The following WWOX variants were observed in gnomAD, a reference collection of about 807,000 sequenced individuals.
WWOX encodes the protein WW domain containing oxidoreductase, also known as WW domain-containing oxidoreductase.
Under a neutral mutation model 46.2 loss-of-function variants are expected in WWOX, and 69 were observed. The ratio of observed to expected loss-of-function variants is 1.49; its 90% CI spans 1.23 to 1.82. WWOX has a LOEUF of 1.82. Among genes scored for constraint, WWOX ranks in the 40% most tolerant of loss-of-function variants. The pLI is 0.00. For missense variants in WWOX, 919 were observed against 542.6 expected, an observed-to-expected ratio of 1.69 and a Z score of -6.89; for synonymous variants, 359 against 202.6, an observed-to-expected ratio of 1.77 and a Z score of -6.56.
chr16:79,045,607 A>G (rs915854173), intron 8 of WWOX, among the ~76,000 whole-genome samples: 1 of 152,080 alleles, frequency 6.6e-6, no homozygotes, highest in Non-Finnish European at 1.5e-5. Context: ...CACATCAGCT[A>G]TCAATGAAAA....
At chr16:78,389,717 G>A (rs1842348659) in intron 6 of WWOX, among the ~76,000 whole-genome samples, 1 of 152,070 alleles carries the variant, frequency 6.6e-6, no homozygotes, top group South Asian at 2.1e-4. Context: ...GCTCCAACTT[G>A]ACCACCGTAC....
chr16:79,169,474 A>G (rs2050659016), intron 8 of WWOX, among the ~76,000 whole-genome samples: 1 of 152,106 alleles, frequency 6.6e-6, no homozygotes, highest in Admixed American at 6.5e-5. Flanking sequence ...GAATTCTTAA[A>G]AGCTGGGCCT....
intron 5 of WWOX, among the ~76,000 whole-genome samples, chr16:78,378,398 A>G (rs2081879263): frequency 6.6e-6 from 1 of 152,160 alleles, no homozygotes. Context: ...AGGTTTGACT[A>G]AGAGAGAAAA....
At position 78,120,903 on chromosome 16, in the gene WWOX, C is replaced by G. The variant is rs552830223; in HGVS notation, c.409+5749C>G. ...TTATGGACTACGCCAGCTTCCTTTA[C>G]ACCTTTGCTTCTTTGTTTTCTTTTC... On this transcript the variant is annotated intron_variant, in intron 4 of 8. Transcript: ENST00000566780. Among the ~76,000 whole-genome samples the G allele has an allele frequency of 2.2e-3, 336 of 152,270 alleles. 3 individuals carry two copies. Among genetic ancestry groups the G allele is most frequent in the African/African-American group, 7.5e-3 (313 of 41,558 alleles).
chr16:78,379,260 T>TAG (rs2081899302), intron 5 of WWOX, among the ~76,000 whole-genome samples: 1 of 152,066 alleles, frequency 6.6e-6, no homozygotes, highest in Admixed American at 6.5e-5. Context: ...AAGGGAGGGG[T>TAG]AGATACACTG....
chr16:78,799,214 G>A (rs538812439), intron 8 of WWOX, among the ~76,000 whole-genome samples: 6 of 152,300 alleles, frequency 3.9e-5, no homozygotes, highest in African/African-American at 1.2e-4. Flanking sequence ...GGGACACGGT[G>A]CAGAAAAGTT....
chr16:78,163,646 C>T (rs186405528), intron 4 of WWOX, among the ~76,000 whole-genome samples: 21 of 152,254 alleles, frequency 1.4e-4, no homozygotes, highest in Admixed American at 1.4e-3. Flanking sequence ...TGTGTATGCA[C>T]GTGTGTTATT....
chr16:78,757,064 G>A (rs1263040982), intron 8 of WWOX: 1 of 702,092 alleles, frequency 1.4e-6, no homozygotes, highest in African/African-American at 1.7e-5. Context: ...GTTAAGCCTT[G>A]AGGTGATTGC....
At chr16:78,317,523 C>T (rs564688988) in intron 5 of WWOX, among the ~76,000 whole-genome samples, 2 of 152,260 alleles carry the variant, frequency 1.3e-5, no homozygotes, top group African/African-American at 4.8e-5. Context: ...GGACAAGCAT[C>T]GGGTTGGATA....
At chr16:79,191,240 G>A (rs1597461140) in intron 8 of WWOX, among the ~76,000 whole-genome samples, 1 of 151,562 alleles carries the variant, frequency 6.6e-6, no homozygotes, top group Non-Finnish European at 1.5e-5. Flanking sequence ...TATTTTAGCA[G>A]AGACAGGGTT....
intron 8 of WWOX, chr16:78,873,344 C>A (rs563816618): frequency 1.3e-5 from 2 of 152,194 alleles, no homozygotes; most frequent in Non-Finnish European, 2.9e-5. Flanking sequence ...GAGATCTGGT[C>A]ATCACCCTTC....
At chr16:78,282,022 T>C (rs371262627) in intron 5 of WWOX, among the ~76,000 whole-genome samples, 1 of 152,214 alleles carries the variant, frequency 6.6e-6, no homozygotes, top group African/African-American at 2.4e-5. Flanking sequence ...TTTTCCCCAC[T>C]ACCCTTGGCC....
rs1263877025 is a variant in WWOX at position 78,422,684 on chromosome 16, T to TATATATATATAC, written c.606-2185_606-2184insTATATATATACA. Reference sequence around the variant, plus strand: ...ACATGTATATATATATATATATATATACACACACACACACACATATATATA... The same window carrying TATATATATATAC: ...ACATGTATATATATATATATATATATATATATATATACACACACACACACACACATATATATA... On this transcript the variant is annotated intron_variant, in intron 6 of 8. Transcript: ENST00000566780. Among the ~76,000 whole-genome samples, 45 of 52,936 alleles carry TATATATATATAC rather than the reference T, an allele frequency of 8.5e-4. 2 individuals are homozygous for TATATATATATAC. The highest frequency in any genetic ancestry group is 8.6e-3 in the Middle Eastern group (1 of 116). The allele number at this position is 52,936 out of a possible 152,430, so 34.7% of individuals were successfully genotyped here. A position where few individuals can be genotyped will look rare whatever the true frequency, so the allele number is the denominator to read the frequency against.
intron 8 of WWOX, among the ~76,000 whole-genome samples, chr16:78,515,437 T>A (rs983410959): frequency 1.3e-5 from 2 of 152,162 alleles, no homozygotes; most frequent in African/African-American, 2.4e-5. Flanking sequence ...AGAGGCACAC[T>A]GAGATGAGAC....
intron 8 of WWOX, among the ~76,000 whole-genome samples, chr16:78,814,158 G>A (rs971701465): frequency 1.3e-5 from 2 of 152,168 alleles, no homozygotes; most frequent in East Asian, 1.9e-4. Flanking sequence ...TCCCGCTGCC[G>A]GCAAGCGGAG....
rs542454934 is a variant in WWOX, at chr16:79,182,452, A to G, written c.1057-29156A>G. On this transcript the variant is annotated intron_variant, in intron 8 of 8. Coordinates refer to ENST00000566780, the MANE Select transcript of WWOX (RefSeq NM_016373.4). ...ATCTAAATATGTGCCATCTTTGTTT[A>G]TGGGCTTTTGGTGTAAGAACTCTCT... Among the ~76,000 whole-genome samples, 6 of 152,076 alleles carry G rather than the reference A, an allele frequency of 3.9e-5. No homozygotes were observed. The South Asian group carries it at 1.0e-3, about 26-fold the overall frequency.
chr16:78,251,083 G>A (rs1345684329), intron 5 of WWOX, among the ~76,000 whole-genome samples: 1 of 152,160 alleles, frequency 6.6e-6, no homozygotes, highest in Admixed American at 6.5e-5. Flanking sequence ...ACCGCTATTG[G>A]GGTGTGTTCA....
At chr16:78,382,354 C>G (rs186347849) in intron 5 of WWOX, among the ~76,000 whole-genome samples, 7 of 152,288 alleles carry the variant, frequency 4.6e-5, no homozygotes, top group African/African-American at 1.7e-4. Flanking sequence ...TTCCACATGC[C>G]GTAGAGGCTG....
In WWOX at chr16:78,647,548, C is replaced by G. The variant is rs536268739; in HGVS notation, c.1056+214796C>G. Among the ~76,000 whole-genome samples, 6 of 152,318 alleles carry G rather than the reference C, an allele frequency of 3.9e-5. No individual in the cohort carries two copies. In the South Asian group the frequency reaches 1.0e-3, roughly 26 times the overall value. On this transcript the variant is annotated intron_variant, in intron 8 of 8. Coordinates refer to ENST00000566780, the MANE Select transcript of WWOX (RefSeq NM_016373.4). ...GAGGTATGCTAAGCCTAATCTCCAT[C>G]TTCTCAAAGCTCCACTGCCACTGTC...
Sources: gnomAD v4.1 joint callset for allele counts (sites outside exome capture counted in the v4.1 genomes callset) on GRCh38, gnomAD v4.1.1 for gene constraint, MANE v1.5 for transcripts, NCBI Gene and HGNC (gene_info 2026-07-23, HGNC 2026-07-21) for gene names.